The following CNTNAP2 variants were observed in gnomAD, a reference collection of about 807,000 sequenced individuals.
The protein encoded by CNTNAP2 is contactin-associated protein-like 2.
Under a neutral mutation model 155.2 loss-of-function variants are expected in CNTNAP2, and 98 were observed. That is an observed-to-expected ratio of 0.63 (90% CI 0.54 to 0.75). CNTNAP2 has a LOEUF of 0.75. CNTNAP2 is among the 30% of genes least tolerant of loss of function. CNTNAP2 has a pLI of 0.00. For missense variants in CNTNAP2, 1,727 were observed against 1,688.1 expected (o/e 1.02, Z -0.40); for synonymous variants, 651 against 631.2 (o/e 1.03, Z -0.47).
intron 1 of CNTNAP2, among the ~76,000 whole-genome samples, chr7:146,473,169 T>C (rs1030864354): frequency 2.0e-5 from 3 of 151,876 alleles, no homozygotes; most frequent in African/African-American, 7.3e-5. Context: ...GGGGAAAAAT[T>C]TCTCTGGCAG....
chr7:148,294,039 C>CAAAAAAA (rs10607772), intron 21 of CNTNAP2, among the ~76,000 whole-genome samples: 2 of 70,044 alleles, frequency 2.9e-5, no homozygotes, highest in African/African-American at 1.1e-4. Flanking sequence ...GGCTCCATCT[C>CAAAAAAA]AAAAAAAAAA....
intron 17 of CNTNAP2, among the ~76,000 whole-genome samples, chr7:148,150,341 G>GA (rs201588697): frequency 0.023 from 3,577 of 152,242 alleles, 56 homozygotes; most frequent in Middle Eastern, 0.044. Context: ...GAGGTCAGGA[G>GA]ATCCTGACCA....
At chr7:147,405,473 G>A (rs1044074369) in intron 10 of CNTNAP2, among the ~76,000 whole-genome samples, 1 of 152,154 alleles carries the variant, frequency 6.6e-6, no homozygotes, top group Admixed American at 6.6e-5. Context: ...TATTGGGACT[G>A]ATACAACTTA....
At chr7:147,780,350 T>C (rs1233064445) in intron 13 of CNTNAP2, among the ~76,000 whole-genome samples, 2 of 152,196 alleles carry the variant, frequency 1.3e-5, no homozygotes, top group Non-Finnish European at 2.9e-5. Context: ...TCCATACTTT[T>C]AAAAAGCAAT....
intron 1 of CNTNAP2, among the ~76,000 whole-genome samples, chr7:146,403,545 G>A (rs1266309464): frequency 6.6e-6 from 1 of 151,846 alleles, no homozygotes; most frequent in East Asian, 1.9e-4. Context: ...TTACTTTTGG[G>A]GGGAAAAGTT....
chr7:148,100,443 A>G (rs1804074072), intron 15 of CNTNAP2, among the ~76,000 whole-genome samples: 1 of 152,256 alleles, frequency 6.6e-6, no homozygotes, highest in Admixed American at 6.5e-5. Context: ...GTGTATGTGC[A>G]TATTATATAT....
rs947530807 is a variant in CNTNAP2, at chr7:147,123,658, T to C, written c.939+2495T>C. On this transcript the variant is annotated intron_variant, in intron 6 of 23. Transcript: ENST00000361727. ...AGAGACTGCAATTATTGGCATGAAA[T>C]GTAATAAAAGTGGCTGTGCTTACCT... Among the ~76,000 whole-genome samples, 3 of 152,246 alleles carry C rather than the reference T, an allele frequency of 2.0e-5. No individual in the cohort carries two copies. The East Asian group carries it at 5.8e-4, about 29-fold the overall frequency.
intron 1 of CNTNAP2, among the ~76,000 whole-genome samples, chr7:146,298,046 C>T (rs1273146866): frequency 6.6e-6 from 1 of 151,954 alleles, no homozygotes; most frequent in African/African-American, 2.4e-5. Context: ...ATTAACATAC[C>T]CAAAGGAAGA....
At chr7:148,273,597 G>A (rs534244840) in intron 21 of CNTNAP2, among the ~76,000 whole-genome samples, 16 of 152,274 alleles carry the variant, frequency 1.1e-4, no homozygotes, top group Admixed American at 4.6e-4. Context: ...ATAAAAAGAC[G>A]GTAGCTTCTC....
chr7:146,289,583 C>G (rs1438472918), intron 1 of CNTNAP2, among the ~76,000 whole-genome samples: 1 of 152,120 alleles, frequency 6.6e-6, no homozygotes, highest in African/African-American at 2.4e-5. Flanking sequence ...TCAACAGGTA[C>G]AAGTCAAATT....
intron 1 of CNTNAP2, among the ~76,000 whole-genome samples, chr7:146,771,141 T>A (rs912913614): frequency 3.9e-5 from 6 of 152,182 alleles, no homozygotes; most frequent in Non-Finnish European, 7.4e-5. Context: ...GCCCACTGTT[T>A]CATATTTAAT....
chr7:146,252,012 G>A (rs1207623489), intron 1 of CNTNAP2, among the ~76,000 whole-genome samples: 1 of 152,134 alleles, frequency 6.6e-6, no homozygotes, highest in Non-Finnish European at 1.5e-5. Context: ...TGGGTTGGCT[G>A]GGCTCAGTTT....
chr7:146,558,253 C>T (rs987100496), intron 1 of CNTNAP2, among the ~76,000 whole-genome samples: 1 of 152,030 alleles, frequency 6.6e-6, no homozygotes, highest in African/African-American at 2.4e-5. Flanking sequence ...AGAGGCCCCA[C>T]GTGGTATCTT....
chr7:148,046,540 A>C (rs1802777798), intron 15 of CNTNAP2, among the ~76,000 whole-genome samples: 2 of 152,012 alleles, frequency 1.3e-5, no homozygotes, highest in Admixed American at 6.6e-5. Flanking sequence ...CTGTTTTCCG[A>C]GTTAGACTTC....
intron 3 of CNTNAP2, among the ~76,000 whole-genome samples, chr7:147,038,990 A>T (rs1799210626): frequency 6.6e-6 from 1 of 151,986 alleles, no homozygotes; most frequent in Non-Finnish European, 1.5e-5. Flanking sequence ...TTCCTTCTTC[A>T]CACTCTTCCA....
At chr7:147,799,028 GCAGC>G (rs1797947036) in intron 13 of CNTNAP2, among the ~76,000 whole-genome samples, 1 of 152,124 alleles carries the variant, frequency 6.6e-6, no homozygotes, top group South Asian at 2.1e-4. Flanking sequence ...ACATGCAAAA[GCAGC>G]CAGTGTAAAA....
At chr7:146,997,422 A>G (rs937814850) in intron 3 of CNTNAP2, among the ~76,000 whole-genome samples, 1 of 152,140 alleles carries the variant, frequency 6.6e-6, no homozygotes, top group African/African-American at 2.4e-5. Context: ...AGGTAAATCT[A>G]ACGTATCACA....
At chr7:147,892,373 G>T (rs538222219) in intron 13 of CNTNAP2, among the ~76,000 whole-genome samples, 1 of 152,120 alleles carries the variant, frequency 6.6e-6, no homozygotes, top group Admixed American at 6.6e-5. Flanking sequence ...GAAACAAAAA[G>T]AATCAAAGAA....
At chr7:146,758,268 T>C (rs1244768493) in intron 1 of CNTNAP2, among the ~76,000 whole-genome samples, 1 of 152,188 alleles carries the variant, frequency 6.6e-6, no homozygotes, top group East Asian at 1.9e-4. Context: ...TTTTCCTTTT[T>C]TCCTGCCCAC....
Sources: allele counts gnomAD v4.1 joint callset (sites outside exome capture counted in the v4.1 genomes callset), GRCh38; gene constraint gnomAD v4.1.1; transcripts MANE v1.5; gene names NCBI Gene and HGNC (gene_info 2026-07-23, HGNC 2026-07-21).